ADGRE1: variants seen among roughly 807,000 people sequenced by gnomAD.
The protein encoded by ADGRE1 is adhesion G protein-coupled receptor E1.
Under a neutral mutation model 102.7 loss-of-function variants are expected in ADGRE1, and 82 were observed. The ratio of observed to expected loss-of-function variants is 0.80; its 90% CI spans 0.67 to 0.96. ADGRE1 has a LOEUF of 0.96. ADGRE1 is among the 40% of genes least tolerant of loss of function. ADGRE1 has a pLI of 0.00. For synonymous variants in ADGRE1, 398 were observed against 399.6 expected, an observed-to-expected ratio of 1.00 and a Z score of 0.05; for missense variants, 1,032 against 1,085.3, an observed-to-expected ratio of 0.95 and a Z score of 0.69.
At chr19:6,916,924 G>A (rs1974410254) in intron 12 of ADGRE1, among the ~76,000 whole-genome samples, 1 of 151,896 alleles carries the variant, frequency 6.6e-6, no homozygotes, top group Admixed American at 6.6e-5. Flanking sequence ...TTTAAAAAAT[G>A]TGTACTAGAA....
chr19:6,897,130 A>G lies in ADGRE1; in HGVS notation c.239-19A>G. The G allele has an allele frequency of 6.4e-7, 1 of 1,563,792 alleles. No homozygotes were observed. Among genetic ancestry groups the G allele is most frequent in the South Asian group, 1.1e-5 (1 of 88,300 alleles). ...TCTATCTAGTATAAGTAAATTTGTA[A>G]CTCCAATTCTCTGTCTAGATATTGA... On this transcript the variant is annotated intron_variant, in intron 3 of 20. Transcript: ENST00000312053.
intron 17 of ADGRE1, among the ~76,000 whole-genome samples, chr19:6,932,205 A>G (rs1302489504): frequency 6.6e-6 from 1 of 152,178 alleles, no homozygotes; most frequent in African/African-American, 2.4e-5. Flanking sequence ...GTGGTGGTTT[A>G]TGCCTGTAAT....
chr19:6,907,738 T>A (rs757228109), intron 9 of ADGRE1, among the ~76,000 whole-genome samples: 7 of 152,222 alleles, frequency 4.6e-5, no homozygotes, highest in Non-Finnish European at 8.8e-5. Flanking sequence ...TGTGGATTTG[T>A]CTATTCTTGA....
At chr19:6,928,279 T>C (rs1219766395) in intron 17 of ADGRE1, 68 bp downstream of exon 17, 2 of 1,612,798 alleles carry the variant, frequency 1.2e-6, no homozygotes, top group Non-Finnish European at 1.7e-6. Flanking sequence ...CTGCGAGATC[T>C]GGAATTTCCA....
intron 8 of ADGRE1, among the ~76,000 whole-genome samples, chr19:6,905,343 G>C (rs547686791): frequency 6.8e-6 from 1 of 146,726 alleles, no homozygotes; most frequent in Non-Finnish European, 1.5e-5. Context: ...GTGAGACCCT[G>C]TCTTTTGTTT....
At position 6,928,137 on chromosome 19, in the gene ADGRE1, C is replaced by G; in HGVS notation, c.2223-8C>G. 6.2e-7 allele frequency: 1 copy of G among 1,612,846 alleles called. No homozygotes were observed. Among genetic ancestry groups the G allele is most frequent in the Non-Finnish European group, 8.5e-7 (1 of 1,179,326 alleles). On this transcript the variant is annotated splice_region_variant and splice_polypyrimidine_tract_variant and intron_variant, in intron 16 of 20. Coordinates refer to ENST00000312053, the MANE Select transcript of ADGRE1 (RefSeq NM_001974.5). ...ACAAGCGCTGACTCCTCCTATTTCT[C>G]TCCACAGCTGCTGGCTGAATACAGA... is the stretch of plus-strand genomic sequence containing the variant.
At chr19:6,906,405 G>T in intron 8 of ADGRE1, 28 bp from the exon 9 acceptor site, 1 of 1,583,812 alleles carries the variant, frequency 6.3e-7, no homozygotes, top group South Asian at 1.1e-5. Context: ...GTTGAAGTTT[G>T]GTTTGGTTGC....
At chr19:6,918,213 G>T (rs1019245918) in intron 12 of ADGRE1, among the ~76,000 whole-genome samples, 1 of 152,172 alleles carries the variant, frequency 6.6e-6, no homozygotes, top group Non-Finnish European at 1.5e-5. Flanking sequence ...GCCAAGGCGG[G>T]CAGATCACCT....
chr19:6,932,979 G>T (rs1278563652), intron 17 of ADGRE1, among the ~76,000 whole-genome samples: 1 of 152,170 alleles, frequency 6.6e-6, no homozygotes, highest in African/African-American at 2.4e-5. Context: ...CCAGCACTTT[G>T]GGAGGCCAAG....
At chr19:6,896,975 A>C in intron 3 of ADGRE1, 174 bp from the exon 4 acceptor site, 1 of 649,470 alleles carries the variant, frequency 1.5e-6, no homozygotes, top group South Asian at 2.3e-5. Context: ...CCATAGTCAC[A>C]AGTATGCTCA....
intron 2 of ADGRE1, among the ~76,000 whole-genome samples, chr19:6,892,112 C>T (rs535411756): frequency 6.6e-6 from 1 of 152,012 alleles, no homozygotes; most frequent in East Asian, 1.9e-4. Flanking sequence ...TAAGAGACCA[C>T]AAGTGATAAA....
At chr19:6,897,572 T>C in intron 5 of ADGRE1, 25 bp downstream of exon 5, 2 of 1,502,516 alleles carry the variant, frequency 1.3e-6, no homozygotes, top group Non-Finnish European at 1.8e-6. Context: ...CTCTTTATTA[T>C]TTACCTACTT....
intron 13 of ADGRE1, among the ~76,000 whole-genome samples, chr19:6,921,065 C>T (rs967916611): frequency 9.2e-5 from 14 of 152,106 alleles, no homozygotes; most frequent in African/African-American, 3.4e-4. Flanking sequence ...GCAGGAGGAT[C>T]ACTTGAGGTC....
intron 14 of ADGRE1, among the ~76,000 whole-genome samples, chr19:6,922,551 G>A (rs1392544804): frequency 6.7e-6 from 1 of 149,524 alleles, no homozygotes; most frequent in Admixed American, 6.7e-5. Flanking sequence ...GGAGGCAGAG[G>A]TTGCACTGAG....
In ADGRE1 at chr19:6,901,970, G is replaced by T; in HGVS notation, c.610G>T (p.Glu204Ter). ...NYSCFCNPGF[E>*]SSSGHLSFQG... The stretch of plus-strand genomic sequence containing the variant: ...CTCTTGTTTCTGCAACCCAGGATTT[G>T]AATCCAGCAGTGGCCACTTGAGTTT... The change falls in exon 6 of 21, where the codon GAA (glutamate) becomes TAA (stop). Residue 204 changes from glutamate to a stop codon, truncating the protein, a stop_gained. Coordinates refer to ENST00000312053, the MANE Select transcript of ADGRE1 (RefSeq NM_001974.5). LOFTEE classifies it high-confidence loss of function. 6.2e-7 allele frequency: 1 copy of T among 1,614,170 alleles called. No homozygotes were observed. The highest frequency in any genetic ancestry group is 8.5e-7 in the Non-Finnish European group (1 of 1,180,030).
Position 6,898,499 on chromosome 19 carries a change from G to T in ADGRE1, c.514+952G>T. ...AGGTTCCCAGGGATGGGTCTTGAGT[G>T]GATATCTATCAGTGGGGTGAGTTCA... On this transcript the variant is annotated intron_variant, in intron 5 of 20. Transcript: ENST00000312053. 1.9e-6 allele frequency: 3 copies of T among 1,568,898 alleles called. No homozygotes were observed. The South Asian group carries it at 3.3e-5, about 17-fold the overall frequency.
intron 17 of ADGRE1, among the ~76,000 whole-genome samples, chr19:6,932,137 A>C (rs904119996): frequency 6.6e-5 from 10 of 152,214 alleles, no homozygotes; most frequent in African/African-American, 2.4e-4. Context: ...CACCAAATAA[A>C]ATAAAGACCC....
chr19:6,912,073 CACAT>C (rs1445253048), intron 10 of ADGRE1, among the ~76,000 whole-genome samples: 1 of 152,152 alleles, frequency 6.6e-6, no homozygotes, highest in South Asian at 2.1e-4. Flanking sequence ...CAAATGTACA[CACAT>C]ACACAAACAC....
chr19:6,935,161 C>A, intron 18 of ADGRE1, 83 bp downstream of exon 18: 2 of 1,076,340 alleles, frequency 1.9e-6, no homozygotes, highest in Non-Finnish European at 2.7e-6. Context: ...TTCTTGTGTG[C>A]TGGGTCCTAT....
Sources: allele counts gnomAD v4.1 joint callset (sites outside exome capture counted in the v4.1 genomes callset), GRCh38; gene constraint gnomAD v4.1.1; transcripts MANE v1.5; gene names NCBI Gene and HGNC (gene_info 2026-07-23, HGNC 2026-07-21).